Variants in ASIC2 observed in about 807,000 individuals in gnomAD.
ASIC2 encodes acid sensing ion channel subunit 2, also known as acid-sensing ion channel 2.
ASIC2 carries 25 observed loss-of-function variants against 57.3 expected under a neutral mutation model. That is an observed-to-expected ratio of 0.44 (90% CI 0.32 to 0.61). The LOEUF (loss-of-function observed/expected upper bound fraction) is 0.61, where lower values mean the gene tolerates loss of function less well. ASIC2 is among the 20% of genes least tolerant of loss of function. ASIC2 has a pLI of 0.06. For missense variants in ASIC2, 641 were observed against 738.1 expected (o/e 0.87, Z 1.52); for synonymous variants, 319 against 307.5 (o/e 1.04, Z -0.39).
chr17:33,937,263 A>G (rs1916087583), intron 1 of ASIC2, among the ~76,000 whole-genome samples: 1 of 152,090 alleles, frequency 6.6e-6, no homozygotes, highest in Non-Finnish European at 1.5e-5. Flanking sequence ...CACCACACCC[A>G]GCTAATTTTT....
Position 33,517,167 on chromosome 17 carries a change from G to T in ASIC2, c.556-405100C>A, listed in dbSNP as rs574004199. On this transcript the variant is annotated intron_variant, in intron 1 of 9. Coordinates refer to the ASIC2 transcript ENST00000359872. ...GTCTCGTTCTGTTGCCCAGGCTGGAGTGCAGTGGCGCGATCTCAGCTCACT... is the reference window on the plus strand; with the variant it reads ...GTCTCGTTCTGTTGCCCAGGCTGGATTGCAGTGGCGCGATCTCAGCTCACT... 8.9e-4 allele frequency among the ~76,000 whole-genome samples: 135 copies of T among 152,292 alleles called. 1 individual carries two copies. Among genetic ancestry groups the T allele is most frequent in the African/African-American group, 3.2e-3 (134 of 41,566 alleles).
At chr17:33,276,511 C>T (rs2142163282) in intron 1 of ASIC2, among the ~76,000 whole-genome samples, 1 of 152,344 alleles carries the variant, frequency 6.6e-6, no homozygotes, top group Non-Finnish European at 1.5e-5. Context: ...TGTGATCAAG[C>T]CAGAGGCTCT....
intron 1 of ASIC2, among the ~76,000 whole-genome samples, chr17:33,868,452 G>A (rs1914303689): frequency 6.6e-6 from 1 of 152,062 alleles, no homozygotes; most frequent in Non-Finnish European, 1.5e-5. Context: ...AAGTTTTAAT[G>A]CAAAATGGAT....
At chr17:34,125,690 G>A (rs1420817855) in intron 1 of ASIC2, among the ~76,000 whole-genome samples, 2 of 152,194 alleles carry the variant, frequency 1.3e-5, no homozygotes, top group Non-Finnish European at 2.9e-5. Flanking sequence ...ATCTTATAAA[G>A]GAGGAAGTTG....
At chr17:33,269,455 G>A (rs1057304459) in intron 1 of ASIC2, among the ~76,000 whole-genome samples, 2 of 152,110 alleles carry the variant, frequency 1.3e-5, no homozygotes, top group African/African-American at 4.8e-5. Flanking sequence ...CCTCTCTTGG[G>A]GCTTCAGGTG....
intron 1 of ASIC2, among the ~76,000 whole-genome samples, chr17:34,030,476 T>C (rs1907556089): frequency 6.6e-6 from 1 of 152,186 alleles, no homozygotes; most frequent in African/African-American, 2.4e-5. Context: ...AGGTACCAGG[T>C]TCATCTCACT....
chr17:33,737,474 A>G (rs1246301181), intron 1 of ASIC2, among the ~76,000 whole-genome samples: 1 of 150,150 alleles, frequency 6.7e-6, no homozygotes, highest in Non-Finnish European at 1.5e-5. Context: ...TCACATTTGA[A>G]CGGATTAGAA....
chr17:33,972,027 C>T (rs972599602), intron 1 of ASIC2, among the ~76,000 whole-genome samples: 10 of 152,086 alleles, frequency 6.6e-5, no homozygotes, highest in African/African-American at 1.7e-4. Context: ...CCCAACAATG[C>T]GGGATGGGGG....
chr17:34,126,510 T>C (rs564362287), intron 1 of ASIC2, among the ~76,000 whole-genome samples: 3 of 152,350 alleles, frequency 2.0e-5, no homozygotes, highest in East Asian at 3.9e-4. Context: ...ACCTCAGTCC[T>C]GTACGGCAAC....
At chr17:34,100,854 T>C (rs1910839451) in intron 1 of ASIC2, among the ~76,000 whole-genome samples, 1 of 152,224 alleles carries the variant, frequency 6.6e-6, no homozygotes, top group African/African-American at 2.4e-5. Context: ...ACTTACTTGA[T>C]CATAGGAAGC....
chr17:33,293,469 C>G (rs1338692657), upstream of ASIC2, among the ~76,000 whole-genome samples: 1 of 151,864 alleles, frequency 6.6e-6, no homozygotes, highest in Non-Finnish European at 1.5e-5. Flanking sequence ...TGGTGGGGAG[C>G]GGGATGGGGA....
At chr17:33,096,997 A>G (rs1020293646) in intron 2 of ASIC2, among the ~76,000 whole-genome samples, 1 of 152,170 alleles carries the variant, frequency 6.6e-6, no homozygotes, top group African/African-American at 2.4e-5. Context: ...AGGTGCCCCC[A>G]TTTTACAGAC....
chr17:33,265,540 A>G (rs768799002), intron 1 of ASIC2, among the ~76,000 whole-genome samples: 12 of 152,186 alleles, frequency 7.9e-5, no homozygotes, highest in Non-Finnish European at 1.6e-4. Context: ...ATCAGGATAA[A>G]TAGCTAATGC....
chr17:34,052,466 G>A (rs1908605413), intron 1 of ASIC2, among the ~76,000 whole-genome samples: 2 of 152,130 alleles, frequency 1.3e-5, no homozygotes, highest in South Asian at 2.1e-4. Flanking sequence ...GAATGGCGAC[G>A]ATTACTTTGG....
intron 1 of ASIC2, chr17:33,571,877 TTTAC>T (rs1916458646): frequency 1.3e-5 from 2 of 152,300 alleles, no homozygotes; most frequent in East Asian, 3.9e-4. Context: ...CATCAAAGGG[TTTAC>T]CAGCAATCCC....
chr17:33,788,607 T>C (rs1249642363), intron 1 of ASIC2, among the ~76,000 whole-genome samples: 1 of 152,228 alleles, frequency 6.6e-6, no homozygotes, highest in African/African-American at 2.4e-5. Flanking sequence ...TGGACGCATA[T>C]GTTCATTGCA....
intron 1 of ASIC2, among the ~76,000 whole-genome samples, chr17:33,239,151 C>T (rs759390434): frequency 1.3e-4 from 20 of 151,874 alleles, no homozygotes; most frequent in African/African-American, 2.4e-4. Flanking sequence ...ATTAGCTGGG[C>T]GTGGTGGCAT....
At chr17:33,065,252 C>T (rs2092038297) in intron 3 of ASIC2, among the ~76,000 whole-genome samples, 1 of 152,126 alleles carries the variant, frequency 6.6e-6, no homozygotes, top group South Asian at 2.1e-4. Context: ...TCATAGCTAA[C>T]TGTGGCCTCG....
intron 1 of ASIC2, among the ~76,000 whole-genome samples, chr17:34,113,819 G>C (rs1386790079): frequency 6.6e-6 from 1 of 152,142 alleles, no homozygotes; most frequent in African/African-American, 2.4e-5. Context: ...AGGCTGCAGT[G>C]AGCTATGATT....
Sources: allele counts gnomAD v4.1 joint callset (sites outside exome capture counted in the v4.1 genomes callset), GRCh38; gene constraint gnomAD v4.1.1; transcripts MANE v1.5; gene names NCBI Gene and HGNC (gene_info 2026-07-23, HGNC 2026-07-21).